The following SMARCA4 variants were observed in gnomAD, a reference collection of about 807,000 sequenced individuals.
SMARCA4 encodes SWI/SNF-related matrix-associated actin-dependent regulator of chromatin subfamily A member 4.
SMARCA4 carries 31 observed loss-of-function variants against 193.9 expected under a neutral mutation model. The observed-to-expected ratio is 0.16, with a 90% CI of 0.12 to 0.22. The LOEUF is 0.22. Ranked by LOEUF, SMARCA4 falls within the 10% of genes least tolerant of loss-of-function variation. The pLI, the probability that SMARCA4 is intolerant of heterozygous loss-of-function variation, is 1.00. For synonymous variants in SMARCA4, 942 were observed against 933.1 expected (o/e 1.01, Z -0.17); for missense variants, 1,148 against 2,296.0 (o/e 0.50, Z 10.22).
intron 1 of SMARCA4, among the ~76,000 whole-genome samples, chr19:10,966,772 T>C (rs974583982): frequency 5.9e-5 from 9 of 151,962 alleles, no homozygotes; most frequent in African/African-American, 1.4e-4. Context: ...CCTGTAGTCC[T>C]AGCTACTTGT....
At chr19:11,005,196 G>T (rs1050636605) in intron 13 of SMARCA4, among the ~76,000 whole-genome samples, 6 of 152,166 alleles carry the variant, frequency 3.9e-5, no homozygotes, top group Non-Finnish European at 8.8e-5. Flanking sequence ...CTACCCTGGA[G>T]TCTGACTTTT....
chr19:11,050,900 A>G (rs187145703), intron 30 of SMARCA4, among the ~76,000 whole-genome samples: 8 of 152,316 alleles, frequency 5.3e-5, no homozygotes, highest in Admixed American at 3.9e-4. Context: ...TTCCAGGTCT[A>G]TGGTCTGCTT....
At chr19:10,965,401 C>T (rs1343424184) in intron 1 of SMARCA4, 3 of 152,240 alleles carry the variant, frequency 2.0e-5, no homozygotes, top group Non-Finnish European at 4.4e-5. Flanking sequence ...TGTTAGTGCT[C>T]ATCATTTATT....
intron 30 of SMARCA4, among the ~76,000 whole-genome samples, chr19:11,045,232 A>G (rs2075832548): frequency 6.6e-6 from 1 of 152,140 alleles, no homozygotes; most frequent in African/African-American, 2.4e-5. Context: ...AGGCGGGAGA[A>G]TGGCATGAAC....
intron 19 of SMARCA4, among the ~76,000 whole-genome samples, chr19:11,022,265 G>A (rs924889701): frequency 1.3e-5 from 2 of 152,224 alleles, no homozygotes; most frequent in African/African-American, 2.4e-5. Context: ...CTGTGGGACC[G>A]CAAGCGTGTG....
chr19:11,037,909 T>C (rs559722238), intron 29 of SMARCA4, among the ~76,000 whole-genome samples: 34 of 152,336 alleles, frequency 2.2e-4, no homozygotes, highest in African/African-American at 7.7e-4. Flanking sequence ...GCCCATCTTA[T>C]TACACAGTAT....
chr19:11,022,867 G>A (rs2089977644), intron 19 of SMARCA4, among the ~76,000 whole-genome samples: 1 of 152,236 alleles, frequency 6.6e-6, no homozygotes, highest in African/African-American at 2.4e-5. Flanking sequence ...AGGATCTGAT[G>A]CTATAGTTTT....
chr19:11,039,358 A>G, intron 29 of SMARCA4: 1 of 641,132 alleles, frequency 1.6e-6, no homozygotes. Flanking sequence ...TGTCTCTGAA[A>G]AAAAGGGAAA....
chr19:11,001,997 G>A (rs562003296), intron 11 of SMARCA4, among the ~76,000 whole-genome samples: 2 of 152,222 alleles, frequency 1.3e-5, no homozygotes, highest in East Asian at 1.9e-4. Context: ...TAGAGTATAA[G>A]TGGGGGAAAA....
At chr19:11,008,334 C>A (rs923940793) in intron 14 of SMARCA4, 2 of 375,942 alleles carry the variant, frequency 5.3e-6, no homozygotes, top group Non-Finnish European at 1.0e-5. Context: ...GGGAAACTTT[C>A]CAGCCTTGTG....
rs1294736948 is a variant in SMARCA4, at chr19:10,987,961, G to A, written c.1118+37G>A. 2.8e-5 allele frequency: 45 copies of A among 1,608,294 alleles called. No homozygotes were observed. The highest frequency in any genetic ancestry group is 3.8e-5 in the Non-Finnish European group (45 of 1,177,992). ...GCCCAGTTGCCAAGGTCACTGCCCTGTGTCCCCCATGTCCCCCTGGGGAAG... is the reference window on the plus strand; with the variant it reads ...GCCCAGTTGCCAAGGTCACTGCCCTATGTCCCCCATGTCCCCCTGGGGAAG... On this transcript the variant is annotated intron_variant, in intron 6 of 34. Transcript: ENST00000344626. The surrounding 1 kb of genome is among the most constrained non-coding windows in gnomAD (Gnocchi z 5.3).
intron 34 of SMARCA4, among the ~76,000 whole-genome samples, chr19:11,060,900 G>C (rs1341263380): frequency 1.3e-5 from 2 of 152,212 alleles, no homozygotes; most frequent in Non-Finnish European, 2.9e-5. Context: ...CGTGACGTTT[G>C]AGGACATTCA....
At chr19:10,978,759 G>A (rs1248854114) in intron 1 of SMARCA4, among the ~76,000 whole-genome samples, 2 of 150,992 alleles carry the variant, frequency 1.3e-5, no homozygotes, top group African/African-American at 4.9e-5. Context: ...GCGAAACCCC[G>A]TCTCTACTAA....
In SMARCA4 at chr19:10,986,544, CCCCGGCCCGGGT is replaced by C. The variant is rs568390760; in HGVS notation, c.722_733del (p.Gly241_Pro244del). The stretch of plus-strand genomic sequence containing the variant: ...GACCCGGCCCTGGCCCTGGCCCTGG[CCCCGGCCCGGGT>C]CCCGGCCCGGCACCTCCAAATTACA... On this transcript the variant is annotated inframe_deletion, in exon 4 of 35. Transcript: ENST00000344626. The surrounding 1 kb of genome is among the most constrained non-coding windows in gnomAD (Gnocchi z 6.7). The C allele has an allele frequency of 1.3e-4, 199 of 1,540,212 alleles. 1 individual carries two copies. The African/African-American group carries it at 2.0e-3, about 16-fold the overall frequency.
chr19:11,062,255 A>G lies in SMARCA4; in HGVS notation c.*439A>G. Reference sequence around the variant, plus strand: ...TGTCACTGGATGTCAAACAGTAATAAATTAAACCAACAACAAAACGCACAG... The same window carrying G: ...TGTCACTGGATGTCAAACAGTAATAGATTAAACCAACAACAAAACGCACAG... On this transcript the variant is annotated 3_prime_UTR_variant, in exon 35 of 35. Coordinates refer to ENST00000344626, the MANE Select transcript of SMARCA4 (RefSeq NM_003072.5). 3.7e-6 allele frequency: 1 copy of G among 269,714 alleles called. No individual in the cohort carries two copies. The highest frequency in any genetic ancestry group is 7.1e-6 in the Non-Finnish European group (1 of 140,280). 16.7% of individuals were successfully genotyped at this position (269,714 alleles called of 1,614,324 possible).
chr19:11,005,836 C>G (rs2088147035), intron 13 of SMARCA4, among the ~76,000 whole-genome samples: 1 of 152,228 alleles, frequency 6.6e-6, no homozygotes, highest in Non-Finnish European at 1.5e-5. Context: ...TTCAATGATT[C>G]TAGTAGACCT....
chr19:11,034,263 G>A lies in SMARCA4; in HGVS notation c.3951+63G>A. 7.6e-7 allele frequency: 1 copy of A among 1,311,472 alleles called. No homozygotes were observed. Among genetic ancestry groups the A allele is most frequent in the Non-Finnish European group, 1.1e-6 (1 of 905,282 alleles). The allele number at this position is 1,311,472 out of a possible 1,614,324, so 81.2% of individuals were successfully genotyped here. A position where few individuals can be genotyped will look rare whatever the true frequency, so the allele number is the denominator to read the frequency against. On this transcript the variant is annotated intron_variant, in intron 28 of 34. Coordinates refer to ENST00000344626, the MANE Select transcript of SMARCA4 (RefSeq NM_003072.5). The surrounding 1 kb of genome is among the most constrained non-coding windows in gnomAD (Gnocchi z 7.0). ...CCACTCTGCTGCCACCAGGAGCAAA[G>A]CAGACGTCCTAGTGCCCATGGTGGT...
At chr19:11,015,437 T>G (rs2089266925) in intron 16 of SMARCA4, among the ~76,000 whole-genome samples, 2 of 152,138 alleles carry the variant, frequency 1.3e-5, no homozygotes, top group South Asian at 4.1e-4. Context: ...TTTGGGTTTG[T>G]CCGATGTGAT....
chr19:11,053,348 G>T (rs552859822), intron 30 of SMARCA4, among the ~76,000 whole-genome samples: 1 of 151,754 alleles, frequency 6.6e-6, no homozygotes, highest in Non-Finnish European at 1.5e-5. Flanking sequence ...GCCGGGCATG[G>T]TGGTGGGTGC....
Sources: gnomAD v4.1 joint callset for allele counts (sites outside exome capture counted in the v4.1 genomes callset) on GRCh38, gnomAD v4.1.1 for gene constraint, Gnocchi (gnomAD v3.1) non-coding constraint, MANE v1.5 for transcripts, NCBI Gene and HGNC (gene_info 2026-07-23, HGNC 2026-07-21) for gene names.